The following CDC25C variants were observed in gnomAD, a reference collection of about 807,000 sequenced individuals.
CDC25C encodes the protein M-phase inducer phosphatase 3.
Under a neutral mutation model 52.5 loss-of-function variants are expected in CDC25C, and 48 were observed. The observed-to-expected ratio is 0.91, with a 90% CI of 0.72 to 1.16. CDC25C has a LOEUF of 1.16. Among genes scored for constraint, CDC25C ranks in the 50% most tolerant of loss-of-function variants. The pLI is 0.00. For missense variants in CDC25C, 510 were observed against 566.1 expected (o/e 0.90, Z 1.01); for synonymous variants, 187 against 206.5 (o/e 0.91, Z 0.81).
intron 7 of CDC25C, among the ~76,000 whole-genome samples, chr5:138,292,480 C>CAAAAAAAAAAAA (rs70982703): frequency 4.7e-5 from 3 of 63,510 alleles, no homozygotes; most frequent in African/African-American, 1.4e-4. Context: ...GTTATGTGAC[C>CAAAAAAAAAAAA]AAAAAAAAAA....
chr5:138,318,393 C>T (rs1410118017), intron 7 of CDC25C, among the ~76,000 whole-genome samples: 8 of 152,106 alleles, frequency 5.3e-5, no homozygotes, highest in Non-Finnish European at 7.4e-5. Flanking sequence ...GTGACTCATA[C>T]ATATCAGGCA....
intron 4 of CDC25C, among the ~76,000 whole-genome samples, chr5:138,327,040 A>G (rs1759937031): frequency 6.7e-6 from 1 of 149,880 alleles, no homozygotes; most frequent in Non-Finnish European, 1.5e-5. Flanking sequence ...GCGGATCACG[A>G]GGTCAAGAGA....
chr5:138,286,427 C>A (rs1193200148), intron 12 of CDC25C, 70 bp downstream of exon 12: 1 of 1,462,102 alleles, frequency 6.8e-7, no homozygotes, highest in East Asian at 2.3e-5. Context: ...CAGTCTCTGT[C>A]TGAACTGGTG....
upstream of CDC25C, among the ~76,000 whole-genome samples, chr5:138,332,393 T>A (rs560538380): frequency 6.6e-6 from 1 of 152,094 alleles, no homozygotes; most frequent in Non-Finnish European, 1.5e-5. Flanking sequence ...TTCCAAGAGC[T>A]TTGTTTGGTG....
intron 10 of CDC25C, 116 bp downstream of exon 10, chr5:138,289,385 G>A (rs952910073): frequency 1.1e-5 from 8 of 723,540 alleles, no homozygotes; most frequent in African/African-American, 8.8e-5. Context: ...GTTGAATAAG[G>A]AGCCTGTGTG....
chr5:138,293,243 G>A (rs1235684381), intron 7 of CDC25C, among the ~76,000 whole-genome samples: 1 of 152,118 alleles, frequency 6.6e-6, no homozygotes, highest in African/African-American at 2.4e-5. Context: ...CATATTGCTG[G>A]TTGAACACAT....
Position 138,326,674 on chromosome 5 carries a change from C to A in CDC25C, c.336-620G>T, listed in dbSNP as rs565487959. On this transcript the variant is annotated intron_variant, in intron 4 of 13. Coordinates refer to ENST00000323760, the MANE Select transcript of CDC25C (RefSeq NM_001790.5). ...CTTTTTAAAAAAATTTAATTTCTGG[C>A]GGGGCGCTGTGGCCCACGCCTGTAA... Among the ~76,000 whole-genome samples, 12 of 152,178 alleles carry A rather than the reference C, an allele frequency of 7.9e-5. No homozygotes were observed. The South Asian group carries it at 2.5e-3, about 32-fold the overall frequency.
Position 138,285,852 on chromosome 5 carries a change from A to G in CDC25C, c.1273-11T>C, listed in dbSNP as rs1260993388. On this transcript the variant is annotated splice_polypyrimidine_tract_variant and intron_variant, in intron 13 of 13. Coordinates refer to ENST00000323760, the MANE Select transcript of CDC25C (RefSeq NM_001790.5). ...TGGTTCACACAGTTCCTGAAAGGTA[A>G]GGAACAGAGTAAGGGATTCTCTAGA... The G allele has an allele frequency of 6.2e-7, 1 of 1,613,850 alleles. No homozygotes were observed. The highest frequency in any genetic ancestry group is 8.5e-7 in the Non-Finnish European group (1 of 1,179,860).
upstream of CDC25C, among the ~76,000 whole-genome samples, chr5:138,335,878 T>C (rs1328085203): frequency 6.6e-6 from 1 of 151,376 alleles, no homozygotes; most frequent in Admixed American, 6.6e-5. Flanking sequence ...TTCATAATAA[T>C]TAAATTATTA....
chr5:138,306,833 C>G (rs1758042076), intron 7 of CDC25C, among the ~76,000 whole-genome samples: 1 of 150,810 alleles, frequency 6.6e-6, no homozygotes, highest in African/African-American at 2.4e-5. Context: ...AAAAAAATCC[C>G]TATTCCTTTT....
At chr5:138,302,976 A>T (rs1426681046) in intron 7 of CDC25C, among the ~76,000 whole-genome samples, 1 of 151,918 alleles carries the variant, frequency 6.6e-6, no homozygotes, top group Admixed American at 6.6e-5. Context: ...AGGCATAGGC[A>T]AGAGGATCTC....
upstream of CDC25C, chr5:138,334,955 T>A (rs1276450430): frequency 1.3e-5 from 2 of 152,204 alleles, no homozygotes; most frequent in Non-Finnish European, 2.9e-5. Context: ...ATTTACTTTT[T>A]CTGTTGGATT....
intron 7 of CDC25C, among the ~76,000 whole-genome samples, chr5:138,311,380 G>A (rs1399071978): frequency 6.6e-6 from 1 of 152,112 alleles, no homozygotes; most frequent in Non-Finnish European, 1.5e-5. Flanking sequence ...GATCGCTTGA[G>A]GCCAGAATTT....
chr5:138,323,714 A>C (rs575041875), intron 6 of CDC25C, among the ~76,000 whole-genome samples: 18 of 152,198 alleles, frequency 1.2e-4, no homozygotes, highest in African/African-American at 4.3e-4. Flanking sequence ...TAATCCCAGC[A>C]CTTTGGGAGG....
rs71585117 is a variant in CDC25C at position 138,322,466 on chromosome 5, AT to A, written c.460-3093del. Among the ~76,000 whole-genome samples, 282 of 67,918 alleles carry A rather than the reference AT, an allele frequency of 4.2e-3. 1 individual carries two copies. The highest frequency in any genetic ancestry group is 0.013 in the African/African-American group (250 of 19,856). 44.6% of individuals were successfully genotyped at this position (67,918 alleles called of 152,430 possible). On this transcript the variant is annotated intron_variant, in intron 6 of 13. Transcript: ENST00000323760. ...AGATGCCTGCCACCACGCCCGGCTA[AT>A]TTTTTTTTTTTTTTTTTTTTTTTTT...
upstream of CDC25C, among the ~76,000 whole-genome samples, chr5:138,334,342 G>C (rs906841802): frequency 7.9e-5 from 12 of 152,038 alleles, no homozygotes; most frequent in Admixed American, 7.9e-4. Context: ...TAGTGAGACT[G>C]TCTCCTAAAA....
At chr5:138,304,793 C>G (rs1200703760) in intron 7 of CDC25C, among the ~76,000 whole-genome samples, 1 of 152,072 alleles carries the variant, frequency 6.6e-6, no homozygotes, top group Non-Finnish European at 1.5e-5. Context: ...CAGGTGAAAG[C>G]CAAACCACCC....
chr5:138,315,389 C>T (rs1758800385), intron 7 of CDC25C, among the ~76,000 whole-genome samples: 1 of 152,080 alleles, frequency 6.6e-6, no homozygotes, highest in East Asian at 1.9e-4. Flanking sequence ...TTTTAGGCAT[C>T]CACTGGGGGG....
chr5:138,285,749 T>C lies in CDC25C; in HGVS notation c.1365A>G (p.Glu455=). 6.2e-7 allele frequency: 1 copy of C among 1,614,244 alleles called. No homozygotes were observed. The highest frequency in any genetic ancestry group is 1.1e-5 in the South Asian group (1 of 91,092). ...LRCRSQSKVQ[E]GERQLREQIA... ...TCTGCTCCCGCAGCTGCCGCTCCCC[T>C]TCCTGCACTTTGCTCTGGCTTCGAC... The change falls in exon 14 of 14, where the codon GAA becomes GAG. Residue 455 remains glutamate (E), a synonymous_variant. Transcript: ENST00000323760.
Sources: allele counts gnomAD v4.1 joint callset (sites outside exome capture counted in the v4.1 genomes callset), GRCh38; gene constraint gnomAD v4.1.1; transcripts MANE v1.5; gene names NCBI Gene and HGNC (gene_info 2026-07-23, HGNC 2026-07-21).